Variants in POLDIP3 observed in about 807,000 individuals in gnomAD.
POLDIP3 encodes the protein polymerase delta-interacting protein 3.
In POLDIP3, 14 loss-of-function variants were observed where a neutral mutation model predicts 45.1. The ratio of observed to expected loss-of-function variants is 0.31; its 90% CI spans 0.20 to 0.49. The LOEUF (loss-of-function observed/expected upper bound fraction) is 0.49, where lower values mean the gene tolerates loss of function less well. Among genes scored for constraint, POLDIP3 ranks in the 20% least tolerant of loss-of-function variants. The pLI, the probability that POLDIP3 is intolerant of heterozygous loss-of-function variation, is 0.99. For synonymous variants in POLDIP3, 223 were observed against 205.2 expected (o/e 1.09, Z -0.74); for missense variants, 511 against 538.8 (o/e 0.95, Z 0.51).
chr22:42,595,270 T>C (rs1341465354), intron 6 of POLDIP3, among the ~76,000 whole-genome samples: 3 of 152,258 alleles, frequency 2.0e-5, no homozygotes, highest in African/African-American at 2.4e-5. Context: ...TCACATGTAT[T>C]GTCACAACTT....
chr22:42,604,330 C>A (rs1210031811), intron 1 of POLDIP3, among the ~76,000 whole-genome samples: 1 of 152,158 alleles, frequency 6.6e-6, no homozygotes, highest in Non-Finnish European at 1.5e-5. Flanking sequence ...CAGGGCCCAG[C>A]ACCTCCTAAG....
chr22:42,584,145 C>A lies in POLDIP3; in HGVS notation c.*1646G>T, dbSNP rs1925143916. ...GTACCTGAAAAACCAGGTCCTACTG[C>A]CTTCTGGATGCTCTCTTGGGCCAGG... is the stretch of plus-strand genomic sequence containing the variant. On this transcript the variant is annotated 3_prime_UTR_variant, in exon 9 of 9. Coordinates refer to ENST00000252115, the MANE Select transcript of POLDIP3 (RefSeq NM_032311.5). 6.5e-6 allele frequency: 1 copy of A among 152,836 alleles called. No homozygotes were observed. The highest frequency in any genetic ancestry group is 1.5e-5 in the Non-Finnish European group (1 of 68,190). 9.5% of individuals were successfully genotyped at this position (152,836 alleles called of 1,614,324 possible).
chr22:42,591,066 TC>T (rs1213128143), intron 7 of POLDIP3, among the ~76,000 whole-genome samples: 12 of 91,312 alleles, frequency 1.3e-4, no homozygotes, highest in East Asian at 4.0e-4. Flanking sequence ...AGAGAGAAAC[TC>T]AAAAAAAATA....
In POLDIP3 at chr22:42,601,952, C is replaced by T; in HGVS notation, c.537+18G>A. The T allele has an allele frequency of 1.2e-6, 2 of 1,604,320 alleles. No homozygotes were observed. Among genetic ancestry groups the T allele is most frequent in the Middle Eastern group, 1.7e-4 (1 of 6,042 alleles). Reference sequence around the variant, plus strand: ...GTACACACAGATTCTCTCTCTCTCTCTCACTCACTCACTCTACCTGTTTGG... The same window carrying T: ...GTACACACAGATTCTCTCTCTCTCTTTCACTCACTCACTCTACCTGTTTGG... On this transcript the variant is annotated intron_variant, in intron 3 of 8. Coordinates refer to ENST00000252115, the MANE Select transcript of POLDIP3 (RefSeq NM_032311.5).
At chr22:42,608,318 A>G (rs1926902543) in intron 1 of POLDIP3, among the ~76,000 whole-genome samples, 1 of 145,834 alleles carries the variant, frequency 6.9e-6, no homozygotes, top group Non-Finnish European at 1.5e-5. Context: ...AGCTACTCAG[A>G]AGGCCAAGGC....
chr22:42,586,098 A>C, intron 8 of POLDIP3, 130 bp from the exon 9 acceptor site: 264 of 791,410 alleles, frequency 3.3e-4, no homozygotes, highest in Non-Finnish European at 4.3e-4. Flanking sequence ...CCTTCATCTC[A>C]TTCCACCTCG....
chr22:42,596,940 A>C (rs1010155137), intron 4 of POLDIP3, among the ~76,000 whole-genome samples: 1 of 136,722 alleles, frequency 7.3e-6, no homozygotes, highest in Non-Finnish European at 1.5e-5. Flanking sequence ...TTTGCTTACA[A>C]AAAAAAAAAT....
chr22:42,597,304 C>T (rs1448571285), intron 4 of POLDIP3, among the ~76,000 whole-genome samples: 3 of 152,206 alleles, frequency 2.0e-5, no homozygotes, highest in South Asian at 2.1e-4. Flanking sequence ...AAAGGAGGAA[C>T]GCAGCGGCCA....
intron 1 of POLDIP3, among the ~76,000 whole-genome samples, chr22:42,605,422 G>A (rs896211622): frequency 2.9e-4 from 44 of 152,238 alleles, no homozygotes; most frequent in African/African-American, 9.6e-4. Flanking sequence ...CACTGCGCCC[G>A]GCAGTTTCTG....
intron 8 of POLDIP3, among the ~76,000 whole-genome samples, chr22:42,587,133 G>C (rs1056982057): frequency 1.3e-5 from 2 of 151,948 alleles, no homozygotes; most frequent in African/African-American, 4.8e-5. Context: ...CCTCACTGGG[G>C]AACAAAATAA....
chr22:42,605,342 T>G (rs1019632159), intron 1 of POLDIP3, among the ~76,000 whole-genome samples: 1 of 152,382 alleles, frequency 6.6e-6, no homozygotes. Flanking sequence ...TTAGCCAGGA[T>G]GCTGTCGATC....
chr22:42,600,479 A>G (rs1167352399), intron 3 of POLDIP3, among the ~76,000 whole-genome samples: 1 of 151,558 alleles, frequency 6.6e-6, no homozygotes, highest in African/African-American at 2.4e-5. Flanking sequence ...ACAAACAATG[A>G]GCCGGGCATG....
At chr22:42,586,995 G>A (rs568582999) in intron 8 of POLDIP3, among the ~76,000 whole-genome samples, 8 of 152,226 alleles carry the variant, frequency 5.3e-5, no homozygotes, top group South Asian at 2.1e-4. Flanking sequence ...ATAGTCCCAG[G>A]TCCTCAGGAG....
At chr22:42,600,974 G>A (rs1021984546) in intron 3 of POLDIP3, among the ~76,000 whole-genome samples, 11 of 151,528 alleles carry the variant, frequency 7.3e-5, no homozygotes, top group African/African-American at 2.4e-4. Flanking sequence ...ATGCACCTGT[G>A]ATCCCAGCTA....
At chr22:42,587,066 G>C (rs1235038147) in intron 8 of POLDIP3, among the ~76,000 whole-genome samples, 1 of 151,190 alleles carries the variant, frequency 6.6e-6, no homozygotes, top group Admixed American at 6.6e-5. Flanking sequence ...AACACAGTGA[G>C]ACTCTCAAAA....
In POLDIP3 at chr22:42,583,889, C is replaced by A. The variant is rs1200041733; in HGVS notation, c.*1902G>T. On this transcript the variant is annotated 3_prime_UTR_variant, in exon 9 of 9. Transcript: ENST00000252115. ...CCCACCACCTTCTCCTCCCGGTCTC[C>A]CAAGATGACTGCTTATAGAGTGGAG... 1 of 152,418 alleles carries A rather than the reference C, an allele frequency of 6.6e-6. No homozygotes were observed. Among genetic ancestry groups the A allele is most frequent in the Admixed American group, 6.6e-5 (1 of 15,244 alleles). 9.4% of individuals were successfully genotyped at this position (152,418 alleles called of 1,614,324 possible).
At chr22:42,599,980 G>T (rs112971940) in intron 3 of POLDIP3, among the ~76,000 whole-genome samples, 187 bp from the exon 4 acceptor site, 12 of 152,244 alleles carry the variant, frequency 7.9e-5, no homozygotes, top group Middle Eastern at 6.8e-3. Context: ...CTGTCAGCAA[G>T]GACCCAGTGA....
rs771843133 is a variant in POLDIP3, at chr22:42,601,955, A to T, written c.537+15T>A. The T allele has an allele frequency of 2.2e-5, 35 of 1,605,742 alleles. No individual in the cohort carries two copies. The Admixed American group carries it at 3.7e-4, about 17-fold the overall frequency. On this transcript the variant is annotated intron_variant, in intron 3 of 8. Coordinates refer to ENST00000252115, the MANE Select transcript of POLDIP3 (RefSeq NM_032311.5). ...CACACAGATTCTCTCTCTCTCTCTC[A>T]CTCACTCACTCTACCTGTTTGGCCT...
intron 1 of POLDIP3, among the ~76,000 whole-genome samples, chr22:42,609,575 G>T (rs1385365538): frequency 6.6e-6 from 1 of 152,048 alleles, no homozygotes; most frequent in Non-Finnish European, 1.5e-5. Flanking sequence ...AAAGATTCAG[G>T]CCCATGAAGT....
Sources: gnomAD v4.1 joint callset for allele counts (sites outside exome capture counted in the v4.1 genomes callset) on GRCh38, gnomAD v4.1.1 for gene constraint, MANE v1.5 for transcripts, NCBI Gene and HGNC (gene_info 2026-07-23, HGNC 2026-07-21) for gene names.